The following GPHN variants were observed in gnomAD, a reference collection of about 807,000 sequenced individuals.
The protein encoded by GPHN is gephyrin.
In GPHN, 17 loss-of-function variants were observed where a neutral mutation model predicts 95.5. The observed-to-expected ratio is 0.18, with a 90% confidence interval of 0.12 to 0.27. The LOEUF is 0.27. GPHN is among the 10% of genes least tolerant of loss of function. The pLI, the probability that GPHN is intolerant of heterozygous loss-of-function variation, is 1.00. For synonymous variants in GPHN, 320 were observed against 322.5 expected (o/e 0.99, Z 0.08); for missense variants, 660 against 978.1 (o/e 0.67, Z 4.34).
chr14:67,678,174 G>T, the GPHN span: 1 of 599,620 alleles, frequency 1.7e-6, no homozygotes. Flanking sequence ...AGTACACTGA[G>T]TTTTAACTGG....
chr14:67,469,778 G>A, the GPHN span, among the ~76,000 whole-genome samples: 1 of 152,188 alleles, frequency 6.6e-6, no homozygotes, highest in Non-Finnish European at 1.5e-5. Context: ...GGAGTGCAGA[G>A]CTGTTTTTTC....
intron 1 of GPHN, among the ~76,000 whole-genome samples, chr14:66,624,068 C>T (rs906852901): frequency 6.6e-6 from 1 of 152,168 alleles, no homozygotes; most frequent in Non-Finnish European, 1.5e-5. Flanking sequence ...TCCCAGTACT[C>T]TCTGCTCCCC....
At chr14:67,544,085 T>C in the GPHN span, among the ~76,000 whole-genome samples, 51 of 152,174 alleles carry the variant, frequency 3.4e-4, no homozygotes, top group African/African-American at 1.2e-3. Flanking sequence ...AGGACTATTA[T>C]TTCTTTTGAT....
the GPHN span, chr14:67,334,786 A>G: frequency 6.6e-6 from 1 of 152,232 alleles, no homozygotes; most frequent in African/African-American, 2.4e-5. Flanking sequence ...TTTTAGCATT[A>G]AAAACTAAGG....
chr14:67,500,747 A>G, the GPHN span, among the ~76,000 whole-genome samples: 1 of 151,002 alleles, frequency 6.6e-6, no homozygotes, highest in Non-Finnish European at 1.5e-5. Flanking sequence ...AATTTTTTGT[A>G]TTTTTACTAG....
chr14:67,009,195 A>T (rs2072813511), intron 9 of GPHN, among the ~76,000 whole-genome samples: 1 of 151,936 alleles, frequency 6.6e-6, no homozygotes, highest in Non-Finnish European at 1.5e-5. Flanking sequence ...GAAAGTAATA[A>T]CCCATTTCAG....
At chr14:67,651,482 C>A in the GPHN span, 2 of 1,613,538 alleles carry the variant, frequency 1.2e-6, no homozygotes, top group South Asian at 2.2e-5. Context: ...GGTTGTCACT[C>A]TACAAAGAGA....
chr14:66,920,577 C>T (rs1437916618), intron 6 of GPHN, among the ~76,000 whole-genome samples: 1 of 150,566 alleles, frequency 6.6e-6, no homozygotes, highest in African/African-American at 2.4e-5. Context: ...ACCATCCATG[C>T]CTGTCCTCAG....
intron 10 of GPHN, among the ~76,000 whole-genome samples, chr14:67,038,816 A>C (rs886619070): frequency 8.5e-5 from 13 of 152,140 alleles, no homozygotes; most frequent in African/African-American, 3.1e-4. Flanking sequence ...TTACACTCCC[A>C]CTTACTCTAA....
At chr14:67,387,124 T>C in the GPHN span, 1 of 458,448 alleles carries the variant, frequency 2.2e-6, no homozygotes, top group South Asian at 3.1e-5. Context: ...ATGGCTGTTC[T>C]AGCCTTTCCA....
At chr14:66,868,058 A>G (rs2063293459) in intron 4 of GPHN, among the ~76,000 whole-genome samples, 1 of 152,198 alleles carries the variant, frequency 6.6e-6, no homozygotes, top group South Asian at 2.1e-4. Flanking sequence ...GATGCACACT[A>G]AAGTTTGAGA....
intron 11 of GPHN, among the ~76,000 whole-genome samples, chr14:67,061,944 G>A (rs1467837629): frequency 6.6e-6 from 1 of 152,130 alleles, no homozygotes; most frequent in Non-Finnish European, 1.5e-5. Context: ...CTTTCCTGAT[G>A]TCTGCTTCCC....
rs775374673 is a variant in GPHN at position 66,508,520 on chromosome 14, T to C, written c.-8T>C. 6.2e-7 allele frequency: 1 copy of C among 1,613,858 alleles called. No homozygotes were observed. Among genetic ancestry groups the C allele is most frequent in the African/African-American group, 1.3e-5 (1 of 75,040 alleles). On this transcript the variant is annotated 5_prime_UTR_variant, in exon 1 of 23. Transcript: ENST00000478722. Reference sequence around the variant, plus strand: ...GCTCCTGTCAGTGCGGTGACTGCGCTGGGAAACATGGCGACCGAGGGAATG... The same window carrying C: ...GCTCCTGTCAGTGCGGTGACTGCGCCGGGAAACATGGCGACCGAGGGAATG...
Position 66,688,128 on chromosome 14 carries a change from G to A in GPHN, c.143+6943G>A, listed in dbSNP as rs557448082. On this transcript the variant is annotated intron_variant, in intron 2 of 22. Coordinates refer to ENST00000478722, the MANE Select transcript of GPHN (RefSeq NM_020806.5). Reference sequence around the variant, plus strand: ...TGTATTCTTGAAATAAAGTAAACTAGAGAAAAGAAAGTATTATTAAGAATA... The same window carrying A: ...TGTATTCTTGAAATAAAGTAAACTAAAGAAAAGAAAGTATTATTAAGAATA... 1.1e-4 allele frequency among the ~76,000 whole-genome samples: 17 copies of A among 152,172 alleles called. No homozygotes were observed. In the South Asian group the frequency reaches 3.3e-3, roughly 30 times the overall value.
chr14:66,717,364 T>A (rs1429589757), intron 2 of GPHN, among the ~76,000 whole-genome samples: 1 of 152,218 alleles, frequency 6.6e-6, no homozygotes, highest in East Asian at 1.9e-4. Context: ...TTTTTTTATT[T>A]ATGCTGTCTA....
intron 3 of GPHN, among the ~76,000 whole-genome samples, chr14:66,789,195 A>C (rs1332425212): frequency 6.6e-6 from 1 of 152,202 alleles, no homozygotes; most frequent in Non-Finnish European, 1.5e-5. Context: ...AATTTGTTCA[A>C]ACCTTCATCT....
At chr14:66,797,054 A>G (rs1003152450) in intron 3 of GPHN, among the ~76,000 whole-genome samples, 3 of 99,374 alleles carry the variant, frequency 3.0e-5, no homozygotes, top group Non-Finnish European at 6.1e-5. Flanking sequence ...CATAATGGAT[A>G]TTCAGTTTTC....
At chr14:67,605,835 C>A in the GPHN span, among the ~76,000 whole-genome samples, 737 of 151,902 alleles carry the variant, frequency 4.9e-3, 36 homozygotes, top group East Asian at 0.083. Flanking sequence ...GGTGCGCACC[C>A]CCATGTCTGG....
At chr14:66,581,387 C>G (rs10143934) in intron 1 of GPHN, among the ~76,000 whole-genome samples, 1 of 151,538 alleles carries the variant, frequency 6.6e-6, no homozygotes, top group Non-Finnish European at 1.5e-5. Context: ...ATCACTATAA[C>G]GAAAAACTAT....
Sources: allele counts gnomAD v4.1 joint callset (sites outside exome capture counted in the v4.1 genomes callset), GRCh38; gene constraint gnomAD v4.1.1; transcripts MANE v1.5; gene names NCBI Gene and HGNC (gene_info 2026-07-23, HGNC 2026-07-21).